The following SOX5 variants were observed in gnomAD, a reference collection of about 807,000 sequenced individuals.
SOX5 encodes the protein SRY-box transcription factor 5.
In SOX5, 9 loss-of-function variants were observed where a neutral mutation model predicts 92.0. The observed-to-expected ratio is 0.10, with a 90% CI of 0.06 to 0.17. SOX5 has a LOEUF of 0.17. SOX5 is among the 10% of genes least tolerant of loss of function. The probability of loss-of-function intolerance (pLI) is 1.00; values close to 1 mark genes in which losing one functional copy is unlikely to be tolerated. For missense variants in SOX5, 642 were observed against 944.5 expected (o/e 0.68, Z 4.20); for synonymous variants, 344 against 336.3 (o/e 1.02, Z -0.25).
intron 3 of SOX5, among the ~76,000 whole-genome samples, chr12:23,831,190 T>A (rs555384175): frequency 6.6e-6 from 1 of 152,114 alleles, no homozygotes; most frequent in Non-Finnish European, 1.5e-5. Flanking sequence ...ACAAGTATCA[T>A]AGAAGGTGCA....
intron 3 of SOX5, among the ~76,000 whole-genome samples, chr12:23,798,615 AAC>A (rs932130184): frequency 2.7e-5 from 4 of 146,738 alleles, no homozygotes; most frequent in Admixed American, 1.4e-4. Flanking sequence ...AAAAAAAAAA[AAC>A]CAGTTCTCTC....
Position 23,659,369 on chromosome 12 carries a change from C to T in SOX5, c.931+6075G>A, listed in dbSNP as rs934186896. 3.9e-5 allele frequency among the ~76,000 whole-genome samples: 6 copies of T among 152,238 alleles called. No homozygotes were observed. The East Asian group carries it at 5.8e-4, about 15-fold the overall frequency. ...TGAGAGTTTCCCTTTTTATTGGAAA[C>T]GGAAATACTGTTCAGAAAACCGATG... is the stretch of plus-strand genomic sequence containing the variant. On this transcript the variant is annotated intron_variant, in intron 7 of 14. Coordinates refer to ENST00000451604, the MANE Select transcript of SOX5 (RefSeq NM_006940.6).
chr12:23,689,076 C>A lies in SOX5; in HGVS notation c.811-23512G>T, dbSNP rs532272897. 1.1e-4 allele frequency among the ~76,000 whole-genome samples: 16 copies of A among 152,196 alleles called. 1 individual carries two copies. In the South Asian group the frequency reaches 2.9e-3, roughly 28 times the overall value. On this transcript the variant is annotated intron_variant, in intron 6 of 14. Transcript: ENST00000451604. Reference sequence around the variant, plus strand: ...TTACCTTCCAGGTATACTGAAATAGCTCTTTCACATATCTAACGGTCACTA... The same window carrying A: ...TTACCTTCCAGGTATACTGAAATAGATCTTTCACATATCTAACGGTCACTA...
At chr12:23,977,824 C>A (rs1274803846) in intron 4 of SOX5, among the ~76,000 whole-genome samples, 2 of 152,128 alleles carry the variant, frequency 1.3e-5, no homozygotes, top group Non-Finnish European at 2.9e-5. Context: ...GTTTTCACCC[C>A]ACCTATTGGT....
chr12:23,831,464 G>C (rs1409087836), intron 3 of SOX5, among the ~76,000 whole-genome samples: 1 of 151,952 alleles, frequency 6.6e-6, no homozygotes, highest in Non-Finnish European at 1.5e-5. Flanking sequence ...AGGGACGGAT[G>C]GGGGAATGTG....
chr12:23,916,434 G>A (rs1319276573), intron 1 of SOX5, among the ~76,000 whole-genome samples: 2 of 152,166 alleles, frequency 1.3e-5, no homozygotes, highest in South Asian at 2.1e-4. Flanking sequence ...TCAAAATGGA[G>A]TGATGTCGAG....
At chr12:23,556,089 T>C (rs1157544778) in intron 11 of SOX5, among the ~76,000 whole-genome samples, 1 of 152,164 alleles carries the variant, frequency 6.6e-6, no homozygotes, top group East Asian at 1.9e-4. Flanking sequence ...GCTGATAATA[T>C]TCACTAAGGG....
chr12:23,909,909 A>G (rs2097333295), intron 1 of SOX5, among the ~76,000 whole-genome samples: 1 of 151,922 alleles, frequency 6.6e-6, no homozygotes, highest in Admixed American at 6.6e-5. Context: ...AAAGGGGACC[A>G]AATCCACCCC....
intron 4 of SOX5, among the ~76,000 whole-genome samples, chr12:24,153,850 C>G (rs1258248010): frequency 1.3e-5 from 2 of 151,768 alleles, no homozygotes; most frequent in African/African-American, 4.8e-5. Flanking sequence ...ATAAAATGTT[C>G]TCACTTGAAT....
At chr12:24,542,378 C>A (rs1952214631) in intron 1 of SOX5, among the ~76,000 whole-genome samples, 2 of 152,216 alleles carry the variant, frequency 1.3e-5, no homozygotes, top group Non-Finnish European at 2.9e-5. Flanking sequence ...ATAAAACAGG[C>A]TACTCTATGT....
chr12:23,893,900 AT>A (rs2137625929), intron 2 of SOX5, among the ~76,000 whole-genome samples: 1 of 152,324 alleles, frequency 6.6e-6, no homozygotes, highest in South Asian at 2.1e-4. Context: ...GGGAGGAATG[AT>A]GTGCAGTAAG....
chr12:24,224,768 AT>A (rs996650666), intron 3 of SOX5, among the ~76,000 whole-genome samples: 1 of 152,034 alleles, frequency 6.6e-6, no homozygotes, highest in Non-Finnish European at 1.5e-5. Context: ...CTACTTCATT[AT>A]TTTTTTCACT....
intron 1 of SOX5, among the ~76,000 whole-genome samples, chr12:24,549,493 T>G (rs904037000): frequency 6.7e-6 from 1 of 148,824 alleles, no homozygotes; most frequent in Admixed American, 6.7e-5. Flanking sequence ...GACAAGGAGG[T>G]TTAAAGCAGA....
intron 1 of SOX5, among the ~76,000 whole-genome samples, chr12:24,549,069 T>C (rs1952914784): frequency 1.3e-5 from 2 of 152,188 alleles, no homozygotes; most frequent in Non-Finnish European, 2.9e-5. Context: ...ACCTTACACA[T>C]GCTATTCCTT....
At chr12:24,098,364 A>G (rs1383846430) in intron 4 of SOX5, among the ~76,000 whole-genome samples, 1 of 152,166 alleles carries the variant, frequency 6.6e-6, no homozygotes, top group East Asian at 1.9e-4. Flanking sequence ...TTGCAGAGGC[A>G]ATAGTGCTTT....
At chr12:24,505,554 C>T (rs1190243001) in intron 1 of SOX5, among the ~76,000 whole-genome samples, 1 of 152,174 alleles carries the variant, frequency 6.6e-6, no homozygotes, top group African/African-American at 2.4e-5. Context: ...TGTAAACACA[C>T]CCAGAGAAAA....
At chr12:24,463,162 A>T (rs1943834264) in intron 1 of SOX5, among the ~76,000 whole-genome samples, 1 of 151,976 alleles carries the variant, frequency 6.6e-6, no homozygotes, top group Admixed American at 6.6e-5. Context: ...AGCCATGATC[A>T]TGCCACTTCA....
chr12:24,449,393 T>C (rs1435441657), intron 1 of SOX5, among the ~76,000 whole-genome samples: 1 of 152,246 alleles, frequency 6.6e-6, no homozygotes, highest in Non-Finnish European at 1.5e-5. Flanking sequence ...CTAACTGTTC[T>C]CTCTGCCTAA....
chr12:23,853,448 C>T (rs2096654778), intron 2 of SOX5, among the ~76,000 whole-genome samples: 1 of 151,402 alleles, frequency 6.6e-6, no homozygotes, highest in Non-Finnish European at 1.5e-5. Flanking sequence ...GGCAAATTTT[C>T]TGATTATCAA....
Sources: gnomAD v4.1 joint callset for allele counts (sites outside exome capture counted in the v4.1 genomes callset) on GRCh38, gnomAD v4.1.1 for gene constraint, MANE v1.5 for transcripts, NCBI Gene and HGNC (gene_info 2026-07-23, HGNC 2026-07-21) for gene names.